WDR47: variants seen among roughly 807,000 people sequenced by gnomAD.
The protein encoded by WDR47 is WD repeat domain 47.
WDR47 carries 32 observed loss-of-function variants against 97.2 expected under a neutral mutation model. The ratio of observed to expected loss-of-function variants is 0.33; its 90% CI spans 0.25 to 0.44. The LOEUF is 0.44. Among genes scored for constraint, WDR47 ranks in the 20% least tolerant of loss-of-function variants. WDR47 has a pLI of 1.00. For missense variants in WDR47, 782 were observed against 1,102.3 expected, an observed-to-expected ratio of 0.71 and a Z score of 4.11; for synonymous variants, 375 against 373.5, an observed-to-expected ratio of 1.00 and a Z score of -0.05.
At chr1:109,015,203 TAAC>T (rs10588434) in intron 3 of WDR47, among the ~76,000 whole-genome samples, 16,149 of 152,116 alleles carry the variant, frequency 0.11, 977 homozygotes, top group African/African-American at 0.15. Flanking sequence ...AATCAAAAAA[TAAC>T]AACAGGTTCA....
intron 9 of WDR47, among the ~76,000 whole-genome samples, chr1:108,990,299 C>G (rs1030766193): frequency 8.5e-5 from 13 of 152,206 alleles, no homozygotes; most frequent in African/African-American, 3.1e-4. Context: ...ACCTCTGCCT[C>G]CTGGGTTAAA....
intron 1 of WDR47, among the ~76,000 whole-genome samples, chr1:109,025,407 G>A (rs1172130558): frequency 6.9e-6 from 1 of 144,516 alleles, no homozygotes; most frequent in Non-Finnish European, 1.5e-5. Flanking sequence ...CTCCAGCCTG[G>A]GCGGTAGCGT....
chr1:109,013,872 T>C lies in WDR47; in HGVS notation c.296A>G (p.Asn99Ser), dbSNP rs749613273. ...GGGCTCATCTTCTGCTGACATCGCGTTGTTAACACATAAAGCTTCTAAAAA... is the reference window on the plus strand; with the variant it reads ...GGGCTCATCTTCTGCTGACATCGCGCTGTTAACACATAAAGCTTCTAAAAA... Reference protein sequence around the residue: ...QKFLEALCVNNAMSAEDEPQH... With the variant: ...QKFLEALCVNSAMSAEDEPQH... Residue 99 changes from asparagine to serine, a missense_variant, in exon 4 of 15, where the codon AAC becomes AGC. By Grantham distance (46) the Asn-to-Ser change is conservative. Transcript: ENST00000369962. 7 of 1,613,526 alleles carry C rather than the reference T, an allele frequency of 4.3e-6. No individual in the cohort carries two copies. The highest frequency in any genetic ancestry group is 1.7e-6 in the Non-Finnish European group (2 of 1,179,978).
At chr1:108,984,334 C>G (rs1658595408) in intron 10 of WDR47, among the ~76,000 whole-genome samples, 1 of 151,996 alleles carries the variant, frequency 6.6e-6, no homozygotes, top group Non-Finnish European at 1.5e-5. Flanking sequence ...AAAATCAAGT[C>G]TATGTAAGAA....
At chr1:108,984,406 T>C (rs1658600338) in intron 10 of WDR47, among the ~76,000 whole-genome samples, 1 of 152,188 alleles carries the variant, frequency 6.6e-6, no homozygotes, top group African/African-American at 2.4e-5. Context: ...ATATCTAAGA[T>C]TTAAATACTT....
At chr1:108,983,062 A>C (rs1365094385) in intron 11 of WDR47, among the ~76,000 whole-genome samples, 1 of 152,238 alleles carries the variant, frequency 6.6e-6, no homozygotes, top group East Asian at 1.9e-4. Context: ...TTTTTCTAAT[A>C]ATAATTTTAT....
At chr1:109,027,162 C>A (rs1346201527) in intron 1 of WDR47, among the ~76,000 whole-genome samples, 1 of 151,948 alleles carries the variant, frequency 6.6e-6, no homozygotes, top group Non-Finnish European at 1.5e-5. Flanking sequence ...TCAAGCAATT[C>A]TCTTGCCTCA....
At chr1:109,015,021 A>G (rs1661313696) in intron 3 of WDR47, among the ~76,000 whole-genome samples, 1 of 152,126 alleles carries the variant, frequency 6.6e-6, no homozygotes, top group Non-Finnish European at 1.5e-5. Context: ...GTATGAAACC[A>G]ATTGTACAAA....
intron 5 of WDR47, among the ~76,000 whole-genome samples, chr1:109,006,535 G>A (rs1007724038): frequency 2.0e-5 from 3 of 152,232 alleles, no homozygotes; most frequent in African/African-American, 7.2e-5. Context: ...CCTTCAAAAA[G>A]TAACATTTCA....
At chr1:109,013,105 AG>A (rs1274568989) in intron 4 of WDR47, among the ~76,000 whole-genome samples, 1 of 152,186 alleles carries the variant, frequency 6.6e-6, no homozygotes, top group Non-Finnish European at 1.5e-5. Flanking sequence ...CCAGAGAGCT[AG>A]CTAGCCTCTT....
chr1:108,991,381 C>T, intron 8 of WDR47, 52 bp from the exon 9 acceptor site: 2 of 1,515,912 alleles, frequency 1.3e-6, no homozygotes, highest in Non-Finnish European at 1.8e-6. Flanking sequence ...AAAATAGAAA[C>T]TAAATTAATT....
chr1:109,019,095 T>C (rs1661632198), intron 2 of WDR47, among the ~76,000 whole-genome samples: 1 of 151,752 alleles, frequency 6.6e-6, no homozygotes, highest in Non-Finnish European at 1.5e-5. Flanking sequence ...GTAAAAAGAA[T>C]TTTAAAAGCT....
At chr1:109,038,144 C>G (rs1663092003) in intron 1 of WDR47, among the ~76,000 whole-genome samples, 2 of 152,112 alleles carry the variant, frequency 1.3e-5, no homozygotes, top group African/African-American at 4.8e-5. Flanking sequence ...CAGCCCAGTA[C>G]TATTTCTCAG....
At chr1:109,015,344 GAC>G (rs1222386694) in intron 3 of WDR47, among the ~76,000 whole-genome samples, 1 of 152,140 alleles carries the variant, frequency 6.6e-6, no homozygotes, top group Non-Finnish European at 1.5e-5. Context: ...GACTGATTGA[GAC>G]AGAGTCCTGC....
At chr1:108,991,732 T>C (rs572115231) in intron 8 of WDR47, among the ~76,000 whole-genome samples, 1 of 152,188 alleles carries the variant, frequency 6.6e-6, no homozygotes, top group Non-Finnish European at 1.5e-5. Context: ...AGTAAAACTA[T>C]GTTTCCTCTT....
chr1:108,995,760 C>G lies in WDR47; in HGVS notation c.1511G>C (p.Cys504Ser). The change falls in exon 8 of 15, where the codon TGT becomes TCT. Residue 504 changes from cysteine (C) to serine (S), a missense_variant. By Grantham distance (112) the Cys-to-Ser change is moderately radical. Transcript: ENST00000369962. ...AGATCCATTGCCTTTGCTCCCATTA[C>G]ATTGCTGGTTGAGTGCTGATACCTC... ...GNEVSALNQQ[C>S]NGSKGNGSNG... 1 of 1,614,154 alleles carries G rather than the reference C, an allele frequency of 6.2e-7. No individual in the cohort carries two copies. Among genetic ancestry groups the G allele is most frequent in the Non-Finnish European group, 8.5e-7 (1 of 1,180,012 alleles).
At chr1:109,016,496 T>G (rs184267639) in intron 3 of WDR47, among the ~76,000 whole-genome samples, 1 of 152,136 alleles carries the variant, frequency 6.6e-6, no homozygotes, top group African/African-American at 2.4e-5. Flanking sequence ...CAAAATCTAC[T>G]GTATAAACTT....
rs546316203 is a variant in WDR47, at chr1:109,027,237, G to T, written c.-9-3716C>A. Among the ~76,000 whole-genome samples the T allele has an allele frequency of 5.3e-5, 8 of 151,950 alleles. No individual in the cohort carries two copies. In the East Asian group the frequency reaches 1.6e-3, roughly 30 times the overall value. On this transcript the variant is annotated intron_variant, in intron 1 of 14. Coordinates refer to ENST00000369962, the MANE Select transcript of WDR47 (RefSeq NM_001142551.2). ...AACCGGCTAATTTTTTGTATTTTTA[G>T]TAGAGACGGGGTTTCGCCATGTTTG... is the stretch of plus-strand genomic sequence containing the variant.
chr1:108,971,388 A>C lies in WDR47; in HGVS notation c.*42T>G, dbSNP rs760438603. 1.1e-5 allele frequency: 17 copies of C among 1,611,820 alleles called. No individual in the cohort carries two copies. In the South Asian group the frequency reaches 1.9e-4, roughly 18 times the overall value. On this transcript the variant is annotated 3_prime_UTR_variant, in exon 15 of 15. Transcript: ENST00000369962. ...TAATTTTCACAACTCAGTAGTCTTA[A>C]GTCTCTGTGCTTTTGCTGCATAGAC... is the stretch of plus-strand genomic sequence containing the variant.
Sources: gnomAD v4.1 joint callset for allele counts (sites outside exome capture counted in the v4.1 genomes callset) on GRCh38, gnomAD v4.1.1 for gene constraint, MANE v1.5 for transcripts, NCBI Gene and HGNC (gene_info 2026-07-23, HGNC 2026-07-21) for gene names.